COBLL1: variants seen among roughly 807,000 people sequenced by gnomAD.
COBLL1 encodes cordon-bleu protein-like 1.
Under a neutral mutation model 94.8 loss-of-function variants are expected in COBLL1, and 50 were observed. The observed-to-expected ratio is 0.53, with a 90% CI of 0.42 to 0.67. The LOEUF is 0.67. Ranked by LOEUF, COBLL1 falls within the 30% of genes least tolerant of loss-of-function variation. The pLI, the probability that COBLL1 is intolerant of heterozygous loss-of-function variation, is 0.00. For synonymous variants in COBLL1, 448 were observed against 473.8 expected (o/e 0.95, Z 0.71); for missense variants, 1,362 against 1,348.7 (o/e 1.01, Z -0.15).
At chr2:164,690,083 G>A (rs1281666625) in intron 13 of COBLL1, among the ~76,000 whole-genome samples, 1 of 151,870 alleles carries the variant, frequency 6.6e-6, no homozygotes, top group Non-Finnish European at 1.5e-5. Context: ...TCTACTAATT[G>A]GATATTAGGG....
intron 2 of COBLL1, chr2:164,779,860 T>C (rs568784174): frequency 9.8e-6 from 4 of 406,920 alleles, no homozygotes; most frequent in East Asian, 7.2e-5. Flanking sequence ...GGGTAGGGAA[T>C]GTGCAGGTAT....
chr2:164,796,872 G>A (rs1022560194), intron 2 of COBLL1, among the ~76,000 whole-genome samples: 2 of 152,056 alleles, frequency 1.3e-5, no homozygotes, highest in Admixed American at 6.6e-5. Flanking sequence ...CTACTAGGGA[G>A]GCTGAGGCAG....
intron 2 of COBLL1, among the ~76,000 whole-genome samples, chr2:164,745,596 A>G (rs910757447): frequency 1.3e-5 from 2 of 152,196 alleles, no homozygotes; most frequent in Non-Finnish European, 2.9e-5. Flanking sequence ...CAGGCAGGCA[A>G]AATTACCATC....
chr2:164,736,967 C>T (rs1686341403), intron 3 of COBLL1, among the ~76,000 whole-genome samples: 1 of 152,138 alleles, frequency 6.6e-6, no homozygotes, highest in Non-Finnish European at 1.5e-5. Context: ...CTTTCTAAAA[C>T]ATCTAACTAT....
At chr2:164,666,335 A>T (rs1023792736) in intron 1 of COBLL1, among the ~76,000 whole-genome samples, 1 of 152,180 alleles carries the variant, frequency 6.6e-6, no homozygotes, top group Admixed American at 6.6e-5. Flanking sequence ...ATGTCTAAAA[A>T]ACAATGTACA....
chr2:164,665,261 C>T (rs1691136767), intron 2 of COBLL1, among the ~76,000 whole-genome samples: 1 of 146,844 alleles, frequency 6.8e-6, no homozygotes, highest in African/African-American at 2.5e-5. Context: ...AACCCAGGGA[C>T]AGAGGTTGCA....
At chr2:164,802,688 G>C (rs1043588301) in intron 2 of COBLL1, among the ~76,000 whole-genome samples, 1 of 152,196 alleles carries the variant, frequency 6.6e-6, no homozygotes, top group East Asian at 1.9e-4. Context: ...GTCTGAGATA[G>C]TTTATTTTAA....
Position 164,723,605 on chromosome 2 carries a change from T to C in COBLL1, c.662-1083A>G, listed in dbSNP as rs538203032. 3.9e-5 allele frequency: 6 copies of C among 152,008 alleles called. No homozygotes were observed. The East Asian group carries it at 1.2e-3, about 29-fold the overall frequency. The allele number at this position is 152,008 out of a possible 1,614,324, so 9.4% of individuals were successfully genotyped here. ...AAAAATAAGGATAATTTGGACATCA[T>C]AAAAGTAACTCAATAAACTGAAACA... On this transcript the variant is annotated intron_variant, in intron 5 of 13. Coordinates refer to ENST00000652658, the MANE Select transcript of COBLL1 (RefSeq NM_001365672.2).
intron 2 of COBLL1, among the ~76,000 whole-genome samples, chr2:164,808,852 T>C (rs981049646): frequency 6.6e-6 from 1 of 152,184 alleles, no homozygotes; most frequent in Non-Finnish European, 1.5e-5. Flanking sequence ...CTAAGTGAAG[T>C]TGCTTCAACC....
In COBLL1 at chr2:164,795,816, C is replaced by G. The variant is rs539969242; in HGVS notation, c.41+45340G>C. Among the ~76,000 whole-genome samples, 11 of 152,176 alleles carry G rather than the reference C, an allele frequency of 7.2e-5. No individual in the cohort carries two copies. In the South Asian group the frequency reaches 1.9e-3, roughly 26 times the overall value. On this transcript the variant is annotated intron_variant, in intron 2 of 13. Coordinates refer to ENST00000652658, the MANE Select transcript of COBLL1 (RefSeq NM_001365672.2). Reference sequence around the variant, plus strand: ...TTTTCAAAGTTACATTTAAAATTAACTTTTAAAAAGTGCATAAAGTTTTTC... The same window carrying G: ...TTTTCAAAGTTACATTTAAAATTAAGTTTTAAAAAGTGCATAAAGTTTTTC...
intron 3 of COBLL1, among the ~76,000 whole-genome samples, chr2:164,741,668 C>T (rs1686603591): frequency 6.6e-6 from 1 of 151,934 alleles, no homozygotes; most frequent in African/African-American, 2.4e-5. Context: ...AGTTGGTGGC[C>T]CAGAAACATA....
intron 1 of COBLL1, among the ~76,000 whole-genome samples, chr2:164,666,655 C>CTT (rs1394492546): frequency 6.6e-6 from 1 of 152,186 alleles, no homozygotes; most frequent in Non-Finnish European, 1.5e-5. Flanking sequence ...CCTGCCGATG[C>CTT]TTTTTCAACT....
rs1054831901 is a variant in COBLL1, at chr2:164,707,320, T to C, written c.997-2215A>G. ...GACACCTGGCTAATTTTTGTATTTT[T>C]AGTAGAGATGGGGTTTCACCATGTT... On this transcript the variant is annotated intron_variant, in intron 7 of 13. Coordinates refer to ENST00000652658, the MANE Select transcript of COBLL1 (RefSeq NM_001365672.2). 2.0e-5 allele frequency among the ~76,000 whole-genome samples: 3 copies of C among 152,120 alleles called. No homozygotes were observed. The East Asian group carries it at 5.8e-4, about 29-fold the overall frequency.
intron 7 of COBLL1, among the ~76,000 whole-genome samples, chr2:164,709,994 T>G (rs55917151): frequency 0.016 from 2,491 of 152,208 alleles, 24 homozygotes; most frequent in South Asian, 0.027. Flanking sequence ...TTTTGAAATA[T>G]GAGTAATATT....
intron 2 of COBLL1, chr2:164,837,614 A>C (rs898241794): frequency 7.7e-6 from 3 of 388,774 alleles, no homozygotes; most frequent in Non-Finnish European, 1.5e-5. Context: ...CAACTTTCAC[A>C]TACATATGAA....
At chr2:164,717,270 A>T (rs1004314128) in intron 7 of COBLL1, among the ~76,000 whole-genome samples, 1 of 152,218 alleles carries the variant, frequency 6.6e-6, no homozygotes, top group Non-Finnish European at 1.5e-5. Context: ...AAATTCACAT[A>T]CTTAGAACCA....
At chr2:164,673,004 C>T (rs1321691385) in intron 1 of COBLL1, among the ~76,000 whole-genome samples, 1 of 152,076 alleles carries the variant, frequency 6.6e-6, no homozygotes, top group Non-Finnish European at 1.5e-5. Flanking sequence ...CTGATTCTAG[C>T]AAAAACAACA....
In COBLL1 at chr2:164,681,375, T is replaced by G. The variant is rs2105395822; in HGVS notation, c.*4571A>C. 1 of 152,204 alleles carries G rather than the reference T, an allele frequency of 6.6e-6. No homozygotes were observed. The highest frequency in any genetic ancestry group is 1.9e-4 in the East Asian group (1 of 5,164). 9.4% of individuals were successfully genotyped at this position (152,204 alleles called of 1,614,324 possible). ...GTCTTTCTCACAGCAACATTTCAAATACAGTGAAAGCAAGCAGAAACACAT... is the reference window on the plus strand; with the variant it reads ...GTCTTTCTCACAGCAACATTTCAAAGACAGTGAAAGCAAGCAGAAACACAT... On this transcript the variant is annotated 3_prime_UTR_variant, in exon 14 of 14. Coordinates refer to ENST00000652658, the MANE Select transcript of COBLL1 (RefSeq NM_001365672.2).
At chr2:164,830,401 A>C (rs997998868) in intron 2 of COBLL1, among the ~76,000 whole-genome samples, 3 of 152,188 alleles carry the variant, frequency 2.0e-5, no homozygotes, top group Non-Finnish European at 4.4e-5. Flanking sequence ...CAAAATCCTC[A>C]GATAATTTTT....
Sources: allele counts gnomAD v4.1 joint callset (sites outside exome capture counted in the v4.1 genomes callset), GRCh38; gene constraint gnomAD v4.1.1; transcripts MANE v1.5; gene names NCBI Gene and HGNC (gene_info 2026-07-23, HGNC 2026-07-21).